Variants in DGKH observed in about 807,000 individuals in gnomAD.
DGKH encodes the protein DAG kinase eta.
In DGKH, 90 loss-of-function variants were observed where a neutral mutation model predicts 159.3. The observed-to-expected ratio is 0.57, with a 90% CI of 0.48 to 0.67. The LOEUF (loss-of-function observed/expected upper bound fraction) is 0.67, where lower values mean the gene tolerates loss of function less well. Among genes scored for constraint, DGKH ranks in the 30% least tolerant of loss-of-function variants. DGKH has a pLI of 0.00. For missense variants in DGKH, 1,181 were observed against 1,506.1 expected (o/e 0.78, Z 3.57); for synonymous variants, 536 against 553.8 (o/e 0.97, Z 0.45).
rs1043862303 is a variant in DGKH, at chr13:42,058,620, G to A, written c.192+9655G>A. On this transcript the variant is annotated intron_variant, in intron 1 of 29. Coordinates refer to ENST00000337343, the MANE Select transcript of DGKH (RefSeq NM_178009.5). The stretch of plus-strand genomic sequence containing the variant: ...GACCTCAGACATGTTACTTAAGGGG[G>A]CAGAGAATGCTGTGCCCACTGATAA... Among the ~76,000 whole-genome samples the A allele has an allele frequency of 7.9e-5, 12 of 152,330 alleles. No homozygotes were observed. In the South Asian group the frequency reaches 1.2e-3, roughly 16 times the overall value.
intron 16 of DGKH, among the ~76,000 whole-genome samples, chr13:42,193,905 A>C (rs1957143921): frequency 6.6e-6 from 1 of 152,218 alleles, no homozygotes; most frequent in Admixed American, 6.5e-5. Context: ...AGTAACTCCT[A>C]AATTGGTTAA....
At chr13:42,253,633 G>A (rs2138340962) in intron 30 of DGKH, among the ~76,000 whole-genome samples, 1 of 152,310 alleles carries the variant, frequency 6.6e-6, no homozygotes, top group East Asian at 1.9e-4. Flanking sequence ...GTACTAGCTT[G>A]ACTATCTTTC....
chr13:42,187,290 G>T, intron 14 of DGKH, 142 bp downstream of exon 14: 1 of 676,160 alleles, frequency 1.5e-6, no homozygotes, highest in Non-Finnish European at 2.6e-6. Context: ...TCAGATCTGA[G>T]AATTTTAAAA....
chr13:42,249,224 A>G lies in DGKH; in HGVS notation n.4055-3185A>G, dbSNP rs76937293. Among the ~76,000 whole-genome samples the G allele has an allele frequency of 7.3e-4, 111 of 152,146 alleles. 1 individual carries two copies. In the East Asian group the frequency reaches 0.019, roughly 26 times the overall value. On this transcript the variant is annotated intron_variant and non_coding_transcript_variant, in intron 29 of 30. Transcript: ENST00000498255. The stretch of plus-strand genomic sequence containing the variant: ...CTCAGCCTCTACAAAAAATACAAAG[A>G]TTAGCTCTGCTTGGTGGCGCATGCC...
intron 1 of DGKH, among the ~76,000 whole-genome samples, chr13:42,082,889 C>G (rs1954226469): frequency 6.6e-6 from 1 of 152,186 alleles, no homozygotes; most frequent in Non-Finnish European, 1.5e-5. Flanking sequence ...TGGGGCTCAT[C>G]ACAGGGCCTG....
At chr13:42,163,516 A>C (rs1013789902) in intron 7 of DGKH, among the ~76,000 whole-genome samples, 2 of 152,100 alleles carry the variant, frequency 1.3e-5, no homozygotes, top group Non-Finnish European at 2.9e-5. Context: ...CATCCTCTCC[A>C]GCACCTGTTG....
rs955910956 is a variant in DGKH at position 42,229,028 on chromosome 13, T to C, written c.3574-71T>C. 5 of 1,362,030 alleles carry C rather than the reference T, an allele frequency of 3.7e-6. No individual in the cohort carries two copies. In the African/African-American group the frequency reaches 4.4e-5, roughly 12 times the overall value. The allele number at this position is 1,362,030 out of a possible 1,614,324, so 84.4% of individuals were successfully genotyped here. A position where few individuals can be genotyped will look rare whatever the true frequency, so the allele number is the denominator to read the frequency against. On this transcript the variant is annotated intron_variant, in intron 29 of 29. Coordinates refer to ENST00000337343, the MANE Select transcript of DGKH (RefSeq NM_178009.5). ...AAACTTTTTTCCTTTTCTTTCATTT[T>C]TAAAATTTTCTTTCTGTGTTTTTTC...
intron 7 of DGKH, 52 bp from the exon 8 acceptor site, chr13:42,165,279 A>T (rs1956282777): frequency 1.0e-6 from 1 of 1,000,994 alleles, no homozygotes; most frequent in Non-Finnish European, 1.4e-6. Flanking sequence ...GTGATTTATA[A>T]TGGCAGAACA....
At chr13:42,167,814 A>G (rs1008022657) in intron 9 of DGKH, among the ~76,000 whole-genome samples, 1 of 152,188 alleles carries the variant, frequency 6.6e-6, no homozygotes, top group African/African-American at 2.4e-5. Flanking sequence ...GAAGGCTTCA[A>G]GGACCTCTCT....
intron 1 of DGKH, among the ~76,000 whole-genome samples, chr13:42,056,432 A>G (rs1881764312): frequency 6.6e-6 from 1 of 152,200 alleles, no homozygotes; most frequent in Middle Eastern, 3.2e-3. Context: ...AGCATAATAG[A>G]TCTTTTTAAA....
At chr13:42,053,642 C>T (rs977692672) in intron 1 of DGKH, among the ~76,000 whole-genome samples, 4 of 145,690 alleles carry the variant, frequency 2.7e-5, no homozygotes, top group Non-Finnish European at 6.0e-5. Flanking sequence ...TTTTTTGAGA[C>T]GGAGTCTTAC....
At chr13:42,186,013 GTGTGTGTGTGTGT>G (rs1165705769) in intron 13 of DGKH, among the ~76,000 whole-genome samples, 2 of 50,134 alleles carry the variant, frequency 4.0e-5, no homozygotes, top group Non-Finnish European at 7.8e-5. Flanking sequence ...TGGTGGTGGT[GTGTGTGTGTGTGT>G]GTGTGTGTGT....
intron 13 of DGKH, among the ~76,000 whole-genome samples, chr13:42,186,011 GT>G (rs1231898657): frequency 6.6e-4 from 17 of 25,738 alleles, no homozygotes; most frequent in African/African-American, 6.2e-3. Flanking sequence ...GGTGGTGGTG[GT>G]GTGTGTGTGT....
Position 42,219,350 on chromosome 13 carries a change from G to A in DGKH, c.3333+1G>A. The A allele has an allele frequency of 1.2e-6, 2 of 1,613,162 alleles. No homozygotes were observed. Among genetic ancestry groups the A allele is most frequent in the Non-Finnish European group, 1.7e-6 (2 of 1,179,682 alleles). On this transcript the variant is annotated splice_donor_variant, in intron 27 of 29. Transcript: ENST00000337343. LOFTEE classifies it high-confidence loss of function. Reference sequence around the variant, plus strand: ...TATCTTACACCCAAATGAGGATGAGGTATGTAAAATTCAGCCTGTTTCTCT... The same window carrying A: ...TATCTTACACCCAAATGAGGATGAGATATGTAAAATTCAGCCTGTTTCTCT...
chr13:42,209,618 T>C (rs1440655956), intron 23 of DGKH, among the ~76,000 whole-genome samples, 153 bp downstream of exon 23: 1 of 152,246 alleles, frequency 6.6e-6, no homozygotes, highest in African/African-American at 2.4e-5. Flanking sequence ...ATTTATTTAT[T>C]TCAGTAGGAG....
intron 29 of DGKH, 128 bp downstream of exon 29, chr13:42,221,522 A>G: frequency 1.6e-6 from 2 of 1,213,972 alleles, no homozygotes; most frequent in South Asian, 1.5e-5. Flanking sequence ...CCTAACATTC[A>G]CTGTCCTGTG....
chr13:42,133,495 C>G (rs1312675000), intron 3 of DGKH, among the ~76,000 whole-genome samples: 1 of 151,972 alleles, frequency 6.6e-6, no homozygotes, highest in Non-Finnish European at 1.5e-5. Flanking sequence ...ACTTTGAGAC[C>G]AGCCTGGGGA....
Position 42,242,769 on chromosome 13 carries a change from G to A in DGKH, c.*13581G>A, listed in dbSNP as rs1238656799. 2 of 152,102 alleles carry A rather than the reference G, an allele frequency of 1.3e-5. No individual in the cohort carries two copies. Among genetic ancestry groups the A allele is most frequent in the African/African-American group, 2.4e-5 (1 of 41,402 alleles). 9.4% of individuals were successfully genotyped at this position (152,102 alleles called of 1,614,324 possible). A position where few individuals can be genotyped will look rare whatever the true frequency, so the allele number is the denominator to read the frequency against. On this transcript the variant is annotated 3_prime_UTR_variant, in exon 30 of 30. Coordinates refer to ENST00000337343, the MANE Select transcript of DGKH (RefSeq NM_178009.5). ...TATTTATTGTACGGAAGTCACTGAC[G>A]TGTGTATTTTTGTACTTTGCTGAAA...
At chr13:42,219,083 T>G (rs886516854) in intron 26 of DGKH, 147 bp from the exon 27 acceptor site, 3 of 1,026,668 alleles carry the variant, frequency 2.9e-6, no homozygotes, top group Admixed American at 5.4e-5. Flanking sequence ...ATAAAAGAAT[T>G]TATTCTTCTC....
Sources: gnomAD v4.1 joint callset for allele counts (sites outside exome capture counted in the v4.1 genomes callset) on GRCh38, gnomAD v4.1.1 for gene constraint, MANE v1.5 for transcripts, NCBI Gene and HGNC (gene_info 2026-07-23, HGNC 2026-07-21) for gene names.